The following HCN1 variants were observed in gnomAD, a reference collection of about 807,000 sequenced individuals.
HCN1 encodes potassium/sodium hyperpolarization-activated cyclic nucleotide-gated channel 1.
HCN1 carries 13 observed loss-of-function variants against 78.9 expected under a neutral mutation model. The observed-to-expected ratio is 0.16, with a 90% CI of 0.11 to 0.26. The LOEUF is 0.26. Ranked by LOEUF, HCN1 falls within the 10% of genes least tolerant of loss-of-function variation. HCN1 has a pLI of 1.00. For synonymous variants in HCN1, 552 were observed against 455.5 expected (o/e 1.21, Z -2.70); for missense variants, 810 against 1,154.3 (o/e 0.70, Z 4.32).
chr5:45,468,343 G>A (rs1007844795), intron 2 of HCN1, among the ~76,000 whole-genome samples: 4 of 152,050 alleles, frequency 2.6e-5, no homozygotes, highest in Non-Finnish European at 4.4e-5. Context: ...TATCAATCAT[G>A]AGTTGTAAAA....
chr5:45,508,508 C>T (rs1318132492), intron 2 of HCN1, among the ~76,000 whole-genome samples: 3 of 152,044 alleles, frequency 2.0e-5, no homozygotes, highest in Admixed American at 6.6e-5. Flanking sequence ...ATTATCTCTG[C>T]TTCTATACTC....
At chr5:45,536,099 C>T (rs1454372483) in intron 2 of HCN1, among the ~76,000 whole-genome samples, 1 of 152,102 alleles carries the variant, frequency 6.6e-6, no homozygotes, top group Admixed American at 6.6e-5. Context: ...TCCTCTCACT[C>T]TATGTAATTT....
intron 2 of HCN1, among the ~76,000 whole-genome samples, chr5:45,608,352 G>GGTGTGTGTGT (rs1239049493): frequency 4.2e-4 from 47 of 111,264 alleles, no homozygotes; most frequent in African/African-American, 1.2e-3. Flanking sequence ...GGGTAGGATG[G>GGTGTGTGTGT]GTGTATGTGT....
intron 4 of HCN1, among the ~76,000 whole-genome samples, chr5:45,391,298 T>G (rs186195618): frequency 3.3e-5 from 5 of 152,228 alleles, no homozygotes; most frequent in African/African-American, 1.2e-4. Flanking sequence ...GTCGATATGA[T>G]TTTTCAAGGT....
intron 5 of HCN1, among the ~76,000 whole-genome samples, chr5:45,306,255 T>G (rs1363051318): frequency 6.6e-6 from 1 of 152,108 alleles, no homozygotes; most frequent in Non-Finnish European, 1.5e-5. Context: ...TGTACCTTGA[T>G]TTGAACTATG....
At chr5:45,420,784 A>T (rs1740210664) in intron 3 of HCN1, among the ~76,000 whole-genome samples, 1 of 152,178 alleles carries the variant, frequency 6.6e-6, no homozygotes, top group African/African-American at 2.4e-5. Flanking sequence ...AAATGTCACA[A>T]TAAAGTCTAC....
chr5:45,607,594 T>TATAG lies in HCN1; in HGVS notation c.849+37590_849+37591insCTAT, dbSNP rs1744748783. On this transcript the variant is annotated intron_variant, in intron 2 of 7. Coordinates refer to ENST00000303230, the MANE Select transcript of HCN1 (RefSeq NM_021072.4). ...CACAATATCATTATATATATATATA[T>TATAG]ATCTATAGATAGATCCAGATATATC... 2.0e-5 allele frequency among the ~76,000 whole-genome samples: 3 copies of TATAG among 148,768 alleles called. No homozygotes were observed. The Admixed American group carries it at 2.0e-4, about 10-fold the overall frequency.
At chr5:45,322,137 C>T (rs1002505050) in intron 5 of HCN1, among the ~76,000 whole-genome samples, 1 of 151,776 alleles carries the variant, frequency 6.6e-6, no homozygotes, top group Non-Finnish European at 1.5e-5. Flanking sequence ...TTTTAAGAGA[C>T]AACTGGAGTC....
At chr5:45,387,078 C>A (rs557585409) in intron 4 of HCN1, among the ~76,000 whole-genome samples, 1 of 151,826 alleles carries the variant, frequency 6.6e-6, no homozygotes, top group East Asian at 1.9e-4. Flanking sequence ...TGTTTTGATC[C>A]TTTAAGTAAA....
intron 2 of HCN1, among the ~76,000 whole-genome samples, chr5:45,508,485 T>G (rs777231663): frequency 2.0e-5 from 3 of 152,110 alleles, no homozygotes; most frequent in Non-Finnish European, 4.4e-5. Context: ...CAACATTTCC[T>G]CAAATATTTA....
At chr5:45,388,442 CA>C (rs1168359657) in intron 4 of HCN1, among the ~76,000 whole-genome samples, 1 of 152,146 alleles carries the variant, frequency 6.6e-6, no homozygotes, top group African/African-American at 2.4e-5. Context: ...GTCTCCTGCA[CA>C]GCTTCAAACA....
chr5:45,371,667 G>A (rs1465845677), intron 4 of HCN1, among the ~76,000 whole-genome samples: 1 of 149,960 alleles, frequency 6.7e-6, no homozygotes, highest in Admixed American at 6.8e-5. Flanking sequence ...TGAGGCAGGA[G>A]AATCACTTGA....
chr5:45,637,643 G>A lies in HCN1; in HGVS notation c.849+7542C>T, dbSNP rs548392888. Among the ~76,000 whole-genome samples the A allele has an allele frequency of 1.1e-4, 16 of 151,446 alleles. No homozygotes were observed. The South Asian group carries it at 2.5e-3, about 24-fold the overall frequency. Reference sequence around the variant, plus strand: ...TAATTCTACCTGAAAGAAGCAATGCGTAAATAAAATGAGATGGATAATCTG... The same window carrying A: ...TAATTCTACCTGAAAGAAGCAATGCATAAATAAAATGAGATGGATAATCTG... On this transcript the variant is annotated intron_variant, in intron 2 of 7. Coordinates refer to ENST00000303230, the MANE Select transcript of HCN1 (RefSeq NM_021072.4).
At chr5:45,545,950 G>T (rs974475919) in intron 2 of HCN1, among the ~76,000 whole-genome samples, 1 of 151,872 alleles carries the variant, frequency 6.6e-6, no homozygotes, top group Non-Finnish European at 1.5e-5. Context: ...TTAATGCTCC[G>T]TGTAATCTTC....
chr5:45,629,535 A>G (rs1281538637), intron 2 of HCN1, among the ~76,000 whole-genome samples: 1 of 152,138 alleles, frequency 6.6e-6, no homozygotes, highest in Non-Finnish European at 1.5e-5. Context: ...GTAGCCAAAG[A>G]ATCCTAAAGT....
chr5:45,537,522 T>TA (rs1742991461), intron 2 of HCN1, among the ~76,000 whole-genome samples: 1 of 113,262 alleles, frequency 8.8e-6, no homozygotes, highest in Non-Finnish European at 1.8e-5. Context: ...CAACTCTAAG[T>TA]CTTTTTTTTT....
intron 5 of HCN1, among the ~76,000 whole-genome samples, chr5:45,317,619 G>C (rs1355575451): frequency 6.6e-6 from 1 of 152,060 alleles, no homozygotes; most frequent in African/African-American, 2.4e-5. Context: ...CCATCAGAGT[G>C]AACAGGCAAC....
At chr5:45,375,091 T>A (rs1259972666) in intron 4 of HCN1, among the ~76,000 whole-genome samples, 1 of 123,094 alleles carries the variant, frequency 8.1e-6, no homozygotes, top group Non-Finnish European at 1.6e-5. Flanking sequence ...TAATTATATA[T>A]AATATAATAT....
chr5:45,456,636 TAATG>T (rs755590640), intron 3 of HCN1, among the ~76,000 whole-genome samples: 51 of 151,966 alleles, frequency 3.4e-4, no homozygotes, highest in Non-Finnish European at 1.2e-4. Context: ...AAATACAAAA[TAATG>T]AATCAACAAA....
Sources: allele counts gnomAD v4.1 joint callset (sites outside exome capture counted in the v4.1 genomes callset), GRCh38; gene constraint gnomAD v4.1.1; transcripts MANE v1.5; gene names NCBI Gene and HGNC (gene_info 2026-07-23, HGNC 2026-07-21).